PIGQ: variants seen among roughly 807,000 people sequenced by gnomAD.
PIGQ encodes the protein phosphatidylinositol glycan anchor biosynthesis class Q, also known as phosphatidylinositol N-acetylglucosaminyltransferase subunit Q.
A neutral mutation model predicts 60.3 loss-of-function variants in PIGQ; 54 were observed. That is an observed-to-expected ratio of 0.90 (90% confidence interval 0.72 to 1.12). The LOEUF (loss-of-function observed/expected upper bound fraction) is 1.12, where lower values mean the gene tolerates loss of function less well. Ranked by LOEUF, PIGQ falls within the 50% of genes most tolerant of loss-of-function variation. The probability of loss-of-function intolerance (pLI) is 0.00; values close to 1 mark genes in which losing one functional copy is unlikely to be tolerated. For synonymous variants in PIGQ, 416 were observed against 363.7 expected, an observed-to-expected ratio of 1.14 and a Z score of -1.64; for missense variants, 799 against 793.5, an observed-to-expected ratio of 1.01 and a Z score of -0.08.
Position 583,905 on chromosome 16 carries a change from G to T in PIGQ, c.*870G>T. 2 of 526,802 alleles carry T rather than the reference G, an allele frequency of 3.8e-6. No individual in the cohort carries two copies. The highest frequency in any genetic ancestry group is 3.4e-5 in the East Asian group (1 of 29,400). The allele number at this position is 526,802 out of a possible 1,614,324, so 32.6% of individuals were successfully genotyped here. A position where few individuals can be genotyped will look rare whatever the true frequency, so the allele number is the denominator to read the frequency against. ...GCCGAAAGTGCCTGCCAGACGGCAC[G>T]GTCTGGGTGCGGGTGTTCCCTGTGA... On this transcript the variant is annotated 3_prime_UTR_variant, in exon 11 of 11. Coordinates refer to ENST00000321878, the MANE Select transcript of PIGQ (RefSeq NM_004204.5).
At chr16:575,425 CT>C (rs943173646) in intron 2 of PIGQ, among the ~76,000 whole-genome samples, 1 of 152,208 alleles carries the variant, frequency 6.6e-6, no homozygotes, top group African/African-American at 2.4e-5. Flanking sequence ...CAGTTGCCCC[CT>C]GCCTTAGACC....
intron 4 of PIGQ, chr16:576,620 G>T: frequency 2.1e-6 from 1 of 475,706 alleles, no homozygotes; most frequent in African/African-American, 2.0e-5. Flanking sequence ...CCAGGGTCAT[G>T]AAACCTTTCC....
At chr16:571,485 A>T (rs1182407844) in intron 1 of PIGQ, among the ~76,000 whole-genome samples, 1 of 57,452 alleles carries the variant, frequency 1.7e-5, no homozygotes. Flanking sequence ...GTGTCTGGTT[A>T]GCCTGTGTGT....
chr16:573,135 G>C (rs2035662416), intron 1 of PIGQ, among the ~76,000 whole-genome samples: 1 of 152,224 alleles, frequency 6.6e-6, no homozygotes, highest in South Asian at 2.1e-4. Context: ...AAAGGGGGAG[G>C]AGAGGCCCAG....
chr16:578,161 C>T, intron 4 of PIGQ: 1 of 517,504 alleles, frequency 1.9e-6, no homozygotes, highest in Non-Finnish European at 3.4e-6. Flanking sequence ...GGCCATGTCA[C>T]CCAGGCCTGC....
rs767464330 is a variant in PIGQ at position 578,977 on chromosome 16, G to C, written c.1223+39G>C. The C allele has an allele frequency of 5.6e-6, 9 of 1,599,824 alleles. No homozygotes were observed. In the South Asian group the frequency reaches 9.9e-5, roughly 18 times the overall value. On this transcript the variant is annotated intron_variant, in intron 6 of 10. Transcript: ENST00000321878. ...TCCCCCTCCCCACCGCCCCCTGGGA[G>C]GTGCAGAGGCTCCGGCTGGGCGGGC...
In PIGQ at chr16:583,640, CCAT is replaced by C; in HGVS notation, c.*608_*610del. The C allele has an allele frequency of 1.2e-6, 2 of 1,612,546 alleles. No individual in the cohort carries two copies. The highest frequency in any genetic ancestry group is 1.3e-5 in the African/African-American group (1 of 75,034). On this transcript the variant is annotated 3_prime_UTR_variant, in exon 11 of 11. Coordinates refer to ENST00000321878, the MANE Select transcript of PIGQ (RefSeq NM_004204.5). ...CTGGAGAGGTCGCTTTGTGAAGAAA[CCAT>C]CAGCAGGCTGTGAGCATCGCCAGGC... is the stretch of plus-strand genomic sequence containing the variant.
chr16:574,323 CCTGGGTG>C lies in PIGQ; in HGVS notation c.253_259del (p.Gly85SerfsTer83). The C allele has an allele frequency of 6.2e-7, 1 of 1,607,672 alleles. No individual in the cohort carries two copies. The highest frequency in any genetic ancestry group is 2.2e-5 in the East Asian group (1 of 44,802). On this transcript the variant is annotated frameshift_variant, in exon 2 of 11. Transcript: ENST00000321878. LOFTEE classifies it high-confidence loss of function. ...AGAGCCTGGGCCGCTTCCTGGAGAG[CCTGGGTG>C]CTGTCTTCCCCCATGAGCCCTGGCT... is the stretch of plus-strand genomic sequence containing the variant.
rs916416 is a variant in PIGQ at position 582,198 on chromosome 16, T to A, written c.1532-50T>A. The A allele has an allele frequency of 0.41, 544,286 of 1,312,232 alleles. 118,405 individuals carry two copies. Among genetic ancestry groups the A allele is most frequent in the East Asian group, 0.66 (26,401 of 39,908 alleles). 81.3% of individuals were successfully genotyped at this position (1,312,232 alleles called of 1,614,324 possible). A position where few individuals can be genotyped will look rare whatever the true frequency, so the allele number is the denominator to read the frequency against. ...GGTACCTGCAGCCTCTGCTCATGTGTGGGGCCAGCCCCCACGCGTCCCCTC... is the reference window on the plus strand; with the variant it reads ...GGTACCTGCAGCCTCTGCTCATGTGAGGGGCCAGCCCCCACGCGTCCCCTC... On this transcript the variant is annotated intron_variant, in intron 9 of 10. Coordinates refer to ENST00000321878, the MANE Select transcript of PIGQ (RefSeq NM_004204.5).
At chr16:580,515 GT>G in intron 8 of PIGQ, 1 of 550,040 alleles carries the variant, frequency 1.8e-6, no homozygotes, top group Non-Finnish European at 3.3e-6. Flanking sequence ...GGCAGGTGGG[GT>G]CACGCAAGAG....
In PIGQ at chr16:573,251, G is replaced by A. The variant is rs888269566; in HGVS notation, c.-9-815G>A. On this transcript the variant is annotated intron_variant, in intron 1 of 10. Coordinates refer to ENST00000321878, the MANE Select transcript of PIGQ (RefSeq NM_004204.5). ...CAGGATGCAGTTTCTCCACACCTCCGGGACCTGTAAGCCTCTCTCTCCCCG... is the reference window on the plus strand; with the variant it reads ...CAGGATGCAGTTTCTCCACACCTCCAGGACCTGTAAGCCTCTCTCTCCCCG... Among the ~76,000 whole-genome samples the A allele has an allele frequency of 2.0e-5, 3 of 152,208 alleles. 1 individual carries two copies. The highest frequency in any genetic ancestry group is 1.3e-4 in the Admixed American group (2 of 15,284).
intron 3 of PIGQ, 64 bp downstream of exon 3, chr16:576,034 C>A (rs946717882): frequency 6.5e-7 from 1 of 1,549,506 alleles, no homozygotes; most frequent in Non-Finnish European, 8.7e-7. Context: ...CTCCATCCCC[C>A]TCTGCACCAC....
chr16:580,293 G>T (rs1206620141), intron 8 of PIGQ, 30 bp downstream of exon 8: 3 of 1,534,562 alleles, frequency 2.0e-6, no homozygotes, highest in South Asian at 1.1e-5. Context: ...GCTGGGCCTG[G>T]CTGCAGTGCT....
In PIGQ at chr16:582,273, G is replaced by C. The variant is rs1252406741; in HGVS notation, c.1557G>C (p.Arg519=). Reference sequence around the variant, plus strand: ...CTGGCGTGAAGTTCCGTGTCCTCCGGCACGAGGCCGGCAGGCCCCTCCGCC... The same window carrying C: ...CTGGCGTGAAGTTCCGTGTCCTCCGCCACGAGGCCGGCAGGCCCCTCCGCC... ...LAAGVKFRVL[R]HEAGRPLRLL... is the part of the protein sequence containing the mutation. The change falls in exon 10 of 11, where the codon CGG becomes CGC. Residue 519 remains arginine (R), a synonymous_variant. Transcript: ENST00000321878. 6.2e-7 allele frequency: 1 copy of C among 1,606,614 alleles called. No homozygotes were observed. Among genetic ancestry groups the C allele is most frequent in the Admixed American group, 1.7e-5 (1 of 59,782 alleles).
chr16:581,272 G>A (rs1346662320), intron 9 of PIGQ: 3 of 1,358,208 alleles, frequency 2.2e-6, no homozygotes, highest in Admixed American at 2.4e-5. Flanking sequence ...TTGGGAGTCT[G>A]AACTGCAGGC....
In PIGQ at chr16:575,945, G is replaced by A. The variant is rs2151045394; in HGVS notation, c.796G>A (p.Ala266Thr). ...HLTLIFSTRK[A>T]ENPAQLMRKA... Reference sequence around the variant, plus strand: ...CACGCTAATCTTCAGTACACGGAAGGCGGAGAACCCTGCCCAGCTGATGAG... The same window carrying A: ...CACGCTAATCTTCAGTACACGGAAGACGGAGAACCCTGCCCAGCTGATGAG... Residue 266 changes from alanine to threonine, a missense_variant, in exon 3 of 11, where the codon GCG becomes ACG. Ala to Thr is a moderately conservative substitution (Grantham distance 58, BLOSUM62 0). Transcript: ENST00000321878. 1 of 1,585,794 alleles carries A rather than the reference G, an allele frequency of 6.3e-7. No homozygotes were observed. The highest frequency in any genetic ancestry group is 8.6e-7 in the Non-Finnish European group (1 of 1,166,492).
At position 575,900 on chromosome 16, in the gene PIGQ, C is replaced by T. The variant is rs368598376; in HGVS notation, c.751C>T (p.Arg251Trp). ...GSKLSTCEQL[R>W]HRLEHLTLIF... The stretch of plus-strand genomic sequence containing the variant: ...CAAACTCTCCACGTGCGAACAGCTC[C>T]GGCACCGGCTGGAGCACCTCACGCT... The change falls in exon 3 of 11, where the codon CGG (arginine) becomes TGG (tryptophan). Residue 251 changes from arginine (R) to tryptophan (W), a missense_variant. Coordinates refer to ENST00000321878, the MANE Select transcript of PIGQ (RefSeq NM_004204.5). 52 of 1,577,308 alleles carry T rather than the reference C, an allele frequency of 3.3e-5. No homozygotes were observed. Among genetic ancestry groups the T allele is most frequent in the South Asian group, 6.9e-5 (6 of 86,366 alleles).
chr16:582,292 C>T lies in PIGQ; in HGVS notation c.1576C>T (p.Leu526Phe), dbSNP rs997763080. The T allele has an allele frequency of 1.9e-6, 3 of 1,601,960 alleles. No individual in the cohort carries two copies. The African/African-American group carries it at 4.0e-5, about 21-fold the overall frequency. ...RVLRHEAGRPLRLLMQINPLP... is the reference protein window; with the variant it reads ...RVLRHEAGRPFRLLMQINPLP... Reference sequence around the variant, plus strand: ...CCTCCGGCACGAGGCCGGCAGGCCCCTCCGCCTCCTGATGCAGGTGAGGCC... The same window carrying T: ...CCTCCGGCACGAGGCCGGCAGGCCCTTCCGCCTCCTGATGCAGGTGAGGCC... The change falls in exon 10 of 11, where the codon CTC becomes TTC. Residue 526 changes from leucine to phenylalanine, a missense_variant. Physicochemically the swap from Leu to Phe is conservative, Grantham distance 22 (BLOSUM62 0). Transcript: ENST00000321878.
In PIGQ at chr16:582,929, C is replaced by G. The variant is rs1243574378; in HGVS notation, c.1640C>G (p.Pro547Arg). 34 of 1,612,538 alleles carry G rather than the reference C, an allele frequency of 2.1e-5. No individual in the cohort carries two copies. The highest frequency in any genetic ancestry group is 2.9e-5 in the Non-Finnish European group (34 of 1,179,794). ...YSRVVHTYRLPSCGCHPKHSW... is the reference protein window; with the variant it reads ...YSRVVHTYRLRSCGCHPKHSW... ...CGCGTGGTGCACACCTACCGCCTCC[C>G]CAGCTGTGGCTGCCACCCCAAGCAC... The change falls in exon 11 of 11, where the codon CCC becomes CGC. Residue 547 changes from proline to arginine, a missense_variant. Physicochemically the swap from Pro to Arg is moderately radical, Grantham distance 103. Coordinates refer to ENST00000321878, the MANE Select transcript of PIGQ (RefSeq NM_004204.5).
Sources: gnomAD v4.1 joint callset for allele counts (sites outside exome capture counted in the v4.1 genomes callset) on GRCh38, gnomAD v4.1.1 for gene constraint, MANE v1.5 for transcripts, NCBI Gene and HGNC (gene_info 2026-07-23, HGNC 2026-07-21) for gene names.